SCHIP1: variants seen among roughly 807,000 people sequenced by gnomAD.
The protein encoded by SCHIP1 is schwannomin-interacting protein 1.
Under a neutral mutation model 29.7 loss-of-function variants are expected in SCHIP1, and 8 were observed. The observed-to-expected ratio is 0.27, with a 90% CI of 0.16 to 0.49. The LOEUF (loss-of-function observed/expected upper bound fraction) is 0.49, where lower values mean the gene tolerates loss of function less well. Among genes scored for constraint, SCHIP1 ranks in the 20% least tolerant of loss-of-function variants. The pLI is 0.99. For synonymous variants in SCHIP1, 76 were observed against 94.9 expected, an observed-to-expected ratio of 0.80 and a Z score of 1.16; for missense variants, 193 against 294.6, an observed-to-expected ratio of 0.66 and a Z score of 2.52.
At chr3:159,778,307 A>G in the SCHIP1 span, among the ~76,000 whole-genome samples, 3 of 151,064 alleles carry the variant, frequency 2.0e-5, no homozygotes, top group African/African-American at 4.9e-5. Context: ...AACATTTTTT[A>G]TATTAGTTTT....
the SCHIP1 span, among the ~76,000 whole-genome samples, chr3:159,454,366 C>T: frequency 5.3e-5 from 8 of 152,140 alleles, no homozygotes; most frequent in Non-Finnish European, 1.2e-4. Context: ...ACCCACCTCT[C>T]ACCTGCATTG....
chr3:159,651,476 C>A, the SCHIP1 span, among the ~76,000 whole-genome samples: 1 of 152,190 alleles, frequency 6.6e-6, no homozygotes, highest in African/African-American at 2.4e-5. Flanking sequence ...CTATCCTTCT[C>A]CCATTTGTAA....
At chr3:159,508,727 C>G in the SCHIP1 span, among the ~76,000 whole-genome samples, 1 of 151,992 alleles carries the variant, frequency 6.6e-6, no homozygotes, top group Non-Finnish European at 1.5e-5. Flanking sequence ...TGTTATGTAC[C>G]CAGTAGTCAT....
At chr3:159,856,298 C>T (rs906363159) in intron 1 of SCHIP1, among the ~76,000 whole-genome samples, 10 of 152,114 alleles carry the variant, frequency 6.6e-5, no homozygotes, top group Admixed American at 5.9e-4. Context: ...AGGAGCTGAC[C>T]GTCCCAATGG....
At chr3:159,718,950 G>C in the SCHIP1 span, among the ~76,000 whole-genome samples, 1 of 152,086 alleles carries the variant, frequency 6.6e-6, no homozygotes, top group Non-Finnish European at 1.5e-5. Flanking sequence ...AAAGAACAAG[G>C]CTGGAGGCAT....
chr3:159,431,355 G>A, the SCHIP1 span, among the ~76,000 whole-genome samples: 6 of 152,004 alleles, frequency 3.9e-5, no homozygotes, highest in African/African-American at 1.4e-4. Flanking sequence ...AGCTGAGACA[G>A]AGGAGGTATA....
chr3:159,494,393 C>T, the SCHIP1 span, among the ~76,000 whole-genome samples: 61 of 152,054 alleles, frequency 4.0e-4, 2 homozygotes, highest in South Asian at 0.012. Context: ...AAGAATCAAA[C>T]AGACGCAATA....
chr3:159,823,225 G>A, the SCHIP1 span, among the ~76,000 whole-genome samples: 1 of 152,312 alleles, frequency 6.6e-6, no homozygotes, highest in African/African-American at 2.4e-5. Flanking sequence ...AGGTGCTAGT[G>A]TGGGAGGCAA....
chr3:159,812,652 T>G, the SCHIP1 span, among the ~76,000 whole-genome samples: 2 of 152,368 alleles, frequency 1.3e-5, no homozygotes, highest in African/African-American at 4.8e-5. Context: ...TATTCTATTT[T>G]TGTTTATATT....
the SCHIP1 span, among the ~76,000 whole-genome samples, chr3:159,511,282 G>A: frequency 6.6e-6 from 1 of 152,222 alleles, no homozygotes; most frequent in African/African-American, 2.4e-5. Context: ...GCAGGATATA[G>A]TCTCCTGGTG....
At chr3:159,698,109 A>C in the SCHIP1 span, among the ~76,000 whole-genome samples, 1 of 152,224 alleles carries the variant, frequency 6.6e-6, no homozygotes, top group Non-Finnish European at 1.5e-5. Flanking sequence ...ATATGTGGGG[A>C]GGCAACAAAA....
chr3:159,660,583 T>C, the SCHIP1 span, among the ~76,000 whole-genome samples: 2 of 152,116 alleles, frequency 1.3e-5, no homozygotes, highest in African/African-American at 4.8e-5. Context: ...TATGCACACA[T>C]ACAATGAATA....
the SCHIP1 span, among the ~76,000 whole-genome samples, chr3:159,577,273 C>G: frequency 1.3e-5 from 2 of 152,252 alleles, no homozygotes; most frequent in East Asian, 3.9e-4. Context: ...CAACAAATCA[C>G]CAAGCAAAGG....
the SCHIP1 span, among the ~76,000 whole-genome samples, chr3:159,627,913 A>G: frequency 2.0e-5 from 3 of 152,196 alleles, no homozygotes; most frequent in Non-Finnish European, 4.4e-5. Context: ...AAACCCATAG[A>G]GCTTTCCATA....
the SCHIP1 span, among the ~76,000 whole-genome samples, chr3:159,737,445 C>T: frequency 6.6e-6 from 1 of 152,134 alleles, no homozygotes; most frequent in Non-Finnish European, 1.5e-5. Context: ...TCCTCTAGTT[C>T]AACAATAAAT....
the SCHIP1 span, among the ~76,000 whole-genome samples, chr3:159,694,622 T>C: frequency 3.3e-5 from 5 of 151,140 alleles, no homozygotes; most frequent in African/African-American, 1.2e-4. Context: ...TTATGACCAA[T>C]GACATATTTT....
chr3:159,722,018 T>C, the SCHIP1 span: 2 of 357,330 alleles, frequency 5.6e-6, no homozygotes, highest in African/African-American at 2.2e-5. Flanking sequence ...TCTTCAGCTC[T>C]GTCTCAACGT....
chr3:159,461,203 A>G, the SCHIP1 span, among the ~76,000 whole-genome samples: 2 of 152,106 alleles, frequency 1.3e-5, no homozygotes, highest in African/African-American at 4.8e-5. Context: ...TTCATCTTCA[A>G]CTATCCTCTC....
the SCHIP1 span, among the ~76,000 whole-genome samples, chr3:159,424,281 A>G: frequency 1.3e-5 from 2 of 152,036 alleles, no homozygotes; most frequent in East Asian, 1.9e-4. Flanking sequence ...CAAAGAAGTT[A>G]AAAACTTTGA....
Sources: gnomAD v4.1 joint callset for allele counts (sites outside exome capture counted in the v4.1 genomes callset) on GRCh38, gnomAD v4.1.1 for gene constraint, MANE v1.5 for transcripts, NCBI Gene and HGNC (gene_info 2026-07-23, HGNC 2026-07-21) for gene names.